Variants in HEG1 observed in about 807,000 individuals in gnomAD.
The protein encoded by HEG1 is heart development protein with EGF like domains 1.
HEG1 carries 56 observed loss-of-function variants against 125.6 expected under a neutral mutation model. The observed-to-expected ratio is 0.45, with a 90% CI of 0.36 to 0.56. The LOEUF is 0.56. Ranked by LOEUF, HEG1 falls within the 20% of genes least tolerant of loss-of-function variation. The pLI, the probability that HEG1 is intolerant of heterozygous loss-of-function variation, is 0.00. For synonymous variants in HEG1, 644 were observed against 668.5 expected, an observed-to-expected ratio of 0.96 and a Z score of 0.57; for missense variants, 1,523 against 1,670.0, an observed-to-expected ratio of 0.91 and a Z score of 1.53.
intron 6 of HEG1, 136 bp downstream of exon 6, chr3:125,012,487 C>A: frequency 1.1e-6 from 1 of 884,830 alleles, no homozygotes; most frequent in Non-Finnish European, 1.7e-6. Context: ...CAATAGGAAG[C>A]ATTTTAGGTC....
chr3:124,968,813 C>T lies in HEG1; in HGVS notation c.*1839G>A, dbSNP rs945310576. The T allele has an allele frequency of 1.3e-5, 2 of 152,200 alleles. No homozygotes were observed. The highest frequency in any genetic ancestry group is 2.4e-5 in the African/African-American group (1 of 41,436). The allele number at this position is 152,200 out of a possible 1,614,324, so 9.4% of individuals were successfully genotyped here. On this transcript the variant is annotated 3_prime_UTR_variant, in exon 17 of 17. Coordinates refer to ENST00000311127, the MANE Select transcript of HEG1 (RefSeq NM_020733.2). ...CGTGAGCCACAAAGGGCCATTGGTT[C>T]TACAGAGAGAGAGGCCCAAGATTTC...
chr3:125,007,156 G>A (rs958739742), intron 8 of HEG1, among the ~76,000 whole-genome samples: 1 of 132,560 alleles, frequency 7.5e-6, no homozygotes, highest in East Asian at 2.2e-4. Context: ...CCGAGATCCC[G>A]CCACTGCACT....
chr3:125,009,666 TG>T, intron 8 of HEG1, 38 bp downstream of exon 8: 1 of 1,565,354 alleles, frequency 6.4e-7, no homozygotes, highest in Non-Finnish European at 8.7e-7. Flanking sequence ...AAATATATTG[TG>T]GTACGGAATA....
At chr3:125,041,419 G>A (rs1462722647) in intron 1 of HEG1, among the ~76,000 whole-genome samples, 4 of 152,210 alleles carry the variant, frequency 2.6e-5, no homozygotes, top group Non-Finnish European at 5.9e-5. Flanking sequence ...ATACCCATTA[G>A]GAAGGCTATT....
At position 125,005,362 on chromosome 3, in the gene HEG1, G is replaced by C. The variant is rs1439450340; in HGVS notation, c.3200C>G (p.Thr1067Ser). ...CTTTAATTTAAACTCTGTCACGAAG[G>C]TTCTAACTGAAAATGAAAATGTAAC... The part of the protein sequence containing the change: ...LEKGICNLVR[T>S]FVTEFKLKRT... Residue 1067 changes from threonine to serine, a missense_variant, in exon 9 of 17, where the codon ACC becomes AGC. Thr to Ser is a moderately conservative substitution (Grantham distance 58). Coordinates refer to ENST00000311127, the MANE Select transcript of HEG1 (RefSeq NM_020733.2). 1 of 1,545,768 alleles carries C rather than the reference G, an allele frequency of 6.5e-7. No individual in the cohort carries two copies. Among genetic ancestry groups the C allele is most frequent in the African/African-American group, 1.4e-5 (1 of 72,522 alleles).
At chr3:125,031,978 T>C (rs1481368413) in intron 1 of HEG1, among the ~76,000 whole-genome samples, 1 of 152,258 alleles carries the variant, frequency 6.6e-6, no homozygotes, top group Non-Finnish European at 1.5e-5. Flanking sequence ...TTAATTTCAA[T>C]ATTAATATTT....
intron 3 of HEG1, among the ~76,000 whole-genome samples, chr3:125,025,267 G>A (rs1937399620): frequency 6.6e-6 from 1 of 152,240 alleles, no homozygotes; most frequent in Non-Finnish European, 1.5e-5. Flanking sequence ...TGTACCCTCT[G>A]CATCCCCACG....
intron 1 of HEG1, among the ~76,000 whole-genome samples, chr3:125,041,743 G>A (rs1446906861): frequency 6.6e-6 from 1 of 152,210 alleles, no homozygotes; most frequent in African/African-American, 2.4e-5. Context: ...TGGTATATAC[G>A]TACAATGGGA....
Position 125,013,026 on chromosome 3 carries a change from C to T in HEG1, c.2553G>A (p.Gln851=), listed in dbSNP as rs1937180834. ...GGGTGCCAGGAGTGGTCATAAGAGG[C>T]TGAGAGGTCTTCAGAATGGTAGTTG... is the stretch of plus-strand genomic sequence containing the variant. The part of the protein sequence containing the change: ...TFTTTILKTS[Q]PLMTTPGTLS... The change falls in exon 6 of 17, where the codon CAG becomes CAA. Residue 851 remains glutamine, a synonymous_variant. Coordinates refer to ENST00000311127, the MANE Select transcript of HEG1 (RefSeq NM_020733.2). 1.9e-6 allele frequency: 3 copies of T among 1,613,906 alleles called. No individual in the cohort carries two copies. The highest frequency in any genetic ancestry group is 1.7e-5 in the Admixed American group (1 of 60,004).
intron 14 of HEG1, among the ~76,000 whole-genome samples, chr3:124,978,745 G>T (rs1348054085): frequency 6.6e-6 from 1 of 151,236 alleles, no homozygotes; most frequent in Non-Finnish European, 1.5e-5. Flanking sequence ...AGGTTGCTGT[G>T]AGCCGAGATC....
chr3:125,010,902 C>T (rs1425384752), intron 6 of HEG1, among the ~76,000 whole-genome samples: 3 of 152,214 alleles, frequency 2.0e-5, no homozygotes, highest in African/African-American at 7.2e-5. Context: ...ATTGAAAGCA[C>T]ACTTTAGGGG....
At chr3:124,988,455 T>C (rs185004360) in intron 14 of HEG1, among the ~76,000 whole-genome samples, 352 of 152,324 alleles carry the variant, frequency 2.3e-3, no homozygotes, top group Non-Finnish European at 3.6e-3. Flanking sequence ...GATAACTTCC[T>C]TGCCTTATTA....
At chr3:124,983,797 T>C (rs1176101009) in intron 14 of HEG1, among the ~76,000 whole-genome samples, 1 of 152,168 alleles carries the variant, frequency 6.6e-6, no homozygotes, top group Non-Finnish European at 1.5e-5. Flanking sequence ...CACATGATTG[T>C]CACTTTCTCC....
chr3:125,014,946 G>T, intron 5 of HEG1: 1 of 1,288,716 alleles, frequency 7.8e-7, no homozygotes, highest in Non-Finnish European at 1.0e-6. Flanking sequence ...CACCCCAGAA[G>T]TCCTGTCCTC....
chr3:125,045,635 A>G (rs369835502), intron 1 of HEG1, among the ~76,000 whole-genome samples: 5 of 152,218 alleles, frequency 3.3e-5, no homozygotes, highest in African/African-American at 9.6e-5. Context: ...TTTCTCAGCA[A>G]TGTTCTCCCT....
chr3:124,973,517 T>G, intron 16 of HEG1, among the ~76,000 whole-genome samples: 1 of 152,220 alleles, frequency 6.6e-6, no homozygotes, highest in South Asian at 2.1e-4. Context: ...ATAAATATAA[T>G]GTGCTTTATG....
chr3:125,055,624 G>C lies in HEG1; in HGVS notation c.267C>G (p.Ala89=). The stretch of plus-strand genomic sequence containing the variant: ...GGCCGGAGGGTCCCCGCTGTGTCGC[G>C]GCGCCTGGCTCAGGGGCCCTGTAGC... ...GPSYRAPEPG[A]ATQRGPSGRA... is the part of the protein sequence containing the mutation. Residue 89 remains alanine (A), a synonymous_variant, in exon 1 of 17, where the codon GCC becomes GCG. Transcript: ENST00000311127. 4.2e-6 allele frequency: 5 copies of C among 1,203,494 alleles called. No individual in the cohort carries two copies. Among genetic ancestry groups the C allele is most frequent in the Non-Finnish European group, 5.2e-6 (5 of 969,488 alleles). The allele number at this position is 1,203,494 out of a possible 1,614,324, so 74.6% of individuals were successfully genotyped here.
In HEG1 at chr3:125,029,392, G is replaced by T; in HGVS notation, c.413C>A (p.Ser138Tyr). 6.2e-7 allele frequency: 1 copy of T among 1,612,228 alleles called. No individual in the cohort carries two copies. The change falls in exon 2 of 17, where the codon TCC (serine) becomes TAC (tyrosine). Residue 138 changes from serine (S) to tyrosine (Y), a missense_variant. Ser to Tyr is a moderately radical substitution (Grantham distance 144, BLOSUM62 -2). Coordinates refer to ENST00000311127, the MANE Select transcript of HEG1 (RefSeq NM_020733.2). ...GGTCTGAACCATCACGCCCTCTTTG[G>T]AGGACACTGTTGAAAAGTCCTCTTG... Reference protein sequence around the residue: ...QNQEDFSTVSSKEGVMVQTSG... With the variant: ...QNQEDFSTVSYKEGVMVQTSG...
chr3:125,002,135 C>T (rs1937010492), intron 10 of HEG1, 122 bp downstream of exon 10: 1 of 1,508,754 alleles, frequency 6.6e-7, no homozygotes, highest in Admixed American at 1.7e-5. Flanking sequence ...GGTCAGTGAC[C>T]TTGGCCCTGG....
Sources: allele counts gnomAD v4.1 joint callset (sites outside exome capture counted in the v4.1 genomes callset), GRCh38; gene constraint gnomAD v4.1.1; transcripts MANE v1.5; gene names NCBI Gene and HGNC (gene_info 2026-07-23, HGNC 2026-07-21).